Variants in NCAPD3 observed in about 807,000 individuals in gnomAD.
NCAPD3 encodes condensin-2 complex subunit D3.
In NCAPD3, 105 loss-of-function variants were observed where a neutral mutation model predicts 182.9. The ratio of observed to expected loss-of-function variants is 0.57; its 90% CI spans 0.49 to 0.68. The LOEUF is 0.68. NCAPD3 is among the 30% of genes least tolerant of loss of function. The pLI, the probability that NCAPD3 is intolerant of heterozygous loss-of-function variation, is 0.00. For missense variants in NCAPD3, 1,944 were observed against 1,837.0 expected, an observed-to-expected ratio of 1.06 and a Z score of -1.07; for synonymous variants, 815 against 679.9, an observed-to-expected ratio of 1.20 and a Z score of -3.09.
At chr11:134,214,281 T>C (rs1171859854) in intron 3 of NCAPD3, among the ~76,000 whole-genome samples, 4 of 152,178 alleles carry the variant, frequency 2.6e-5, no homozygotes, top group Non-Finnish European at 5.9e-5. Context: ...AAAGTTCAAA[T>C]ATTTGGAAAA....
intron 24 of NCAPD3, among the ~76,000 whole-genome samples, chr11:134,170,181 C>G (rs1406164732): frequency 1.3e-5 from 2 of 152,196 alleles, no homozygotes; most frequent in African/African-American, 4.8e-5. Flanking sequence ...TACACCTTGA[C>G]TATTCACCTA....
intron 27 of NCAPD3, among the ~76,000 whole-genome samples, chr11:134,163,871 CAAAAAAAAAAAAAAA>C (rs60340458): frequency 1.6e-4 from 11 of 70,904 alleles, no homozygotes; most frequent in Non-Finnish European, 2.7e-4. Flanking sequence ...GATTCTGTCT[CAAAAAAAAAAAAAAA>C]AAAAAAGAAA....
chr11:134,153,041 G>T lies in NCAPD3; in HGVS notation c.4400C>A (p.Pro1467His), dbSNP rs760380138. 1.9e-6 allele frequency: 3 copies of T among 1,602,908 alleles called. No homozygotes were observed. The African/African-American group carries it at 4.0e-5, about 21-fold the overall frequency. ...GGGAGACCGCACATTCCACTGCTGA[G>T]GCTGTGGGGGCCTAGGGAAAGGACA... ...LSLPDKPPPQ[P>H]QQWNVRSPAR... Residue 1467 changes from proline to histidine, a missense_variant, in exon 35 of 35, where the codon CCT becomes CAT. Coordinates refer to ENST00000534548, the MANE Select transcript of NCAPD3 (RefSeq NM_015261.3).
intron 24 of NCAPD3, among the ~76,000 whole-genome samples, chr11:134,175,497 G>C (rs1312495255): frequency 1.3e-5 from 2 of 152,154 alleles, no homozygotes; most frequent in African/African-American, 4.8e-5. Context: ...AAAGAAAACT[G>C]AGCAGAAACT....
intron 16 of NCAPD3, among the ~76,000 whole-genome samples, chr11:134,192,396 T>A (rs973337838): frequency 6.6e-6 from 1 of 152,292 alleles, no homozygotes; most frequent in African/African-American, 2.4e-5. Flanking sequence ...AAAGGTGATA[T>A]TAATATGTAT....
chr11:134,196,723 T>A (rs1045101772), intron 13 of NCAPD3, among the ~76,000 whole-genome samples: 1 of 148,524 alleles, frequency 6.7e-6, no homozygotes, highest in Non-Finnish European at 1.5e-5. Context: ...CACACACACA[T>A]ACACACACAC....
intron 32 of NCAPD3, 83 bp downstream of exon 32, chr11:134,156,935 G>A: frequency 7.4e-6 from 9 of 1,210,330 alleles, no homozygotes; most frequent in African/African-American, 1.5e-5. Flanking sequence ...GCACCGGAAG[G>A]AGTTTTACTG....
At chr11:134,168,879 C>T (rs752699346) in intron 25 of NCAPD3, 38 bp downstream of exon 25, 3 of 1,594,954 alleles carry the variant, frequency 1.9e-6, no homozygotes, top group South Asian at 2.3e-5. Context: ...CAGCTCTTAC[C>T]CAGATACAAG....
chr11:134,168,362 C>A, intron 26 of NCAPD3, 107 bp downstream of exon 26: 1 of 1,534,576 alleles, frequency 6.5e-7, no homozygotes, highest in South Asian at 1.2e-5. Flanking sequence ...TGACAGGGGT[C>A]TTCCTGCAGT....
At position 134,220,695 on chromosome 11, in the gene NCAPD3, G is replaced by A; in HGVS notation, c.96C>T (p.Phe32=). The part of the protein sequence containing the change: ...EWVDTVWELD[F]TETEPLDPSI... ...TGGGATCCAAAGGCTCAGTCTCTGT[G>A]AAATCCAGTTCCCACACTGTGTCAA... is the stretch of plus-strand genomic sequence containing the variant. Residue 32 remains phenylalanine (F), a synonymous_variant, in exon 2 of 35, where the codon TTC becomes TTT. Transcript: ENST00000534548. The A allele has an allele frequency of 1.2e-6, 2 of 1,614,042 alleles. No homozygotes were observed. Among genetic ancestry groups the A allele is most frequent in the Admixed American group, 1.7e-5 (1 of 60,024 alleles).
rs368692860 is a variant in NCAPD3, at chr11:134,160,090, G to T, written c.3685-16C>A. Reference sequence around the variant, plus strand: ...GCATCACCTCCTGAAACAGAGCCAGGAGCATCCTTTCATGTTTTCTTGAAT... The same window carrying T: ...GCATCACCTCCTGAAACAGAGCCAGTAGCATCCTTTCATGTTTTCTTGAAT... On this transcript the variant is annotated splice_polypyrimidine_tract_variant and intron_variant, in intron 28 of 34. Coordinates refer to ENST00000534548, the MANE Select transcript of NCAPD3 (RefSeq NM_015261.3). The T allele has an allele frequency of 6.2e-7, 1 of 1,611,168 alleles. No individual in the cohort carries two copies. The highest frequency in any genetic ancestry group is 1.1e-5 in the South Asian group (1 of 90,888).
intron 32 of NCAPD3, among the ~76,000 whole-genome samples, chr11:134,156,588 G>T (rs957321754): frequency 3.3e-5 from 5 of 152,120 alleles, no homozygotes; most frequent in Non-Finnish European, 7.4e-5. Context: ...GGGGTCCCCG[G>T]GTCTCTGGTC....
chr11:134,203,712 G>A lies in NCAPD3; in HGVS notation c.1410C>T (p.His470=), dbSNP rs770187719. The change falls in exon 11 of 35, where the codon CAC becomes CAT. Residue 470 remains histidine, a synonymous_variant. Transcript: ENST00000534548. ...VRSKALSSFA[H]CLELTVTSAS... is the part of the protein sequence containing the mutation. ...CACTGGTAACAGTCAACTCCAGACA[G>A]TGTGCAAAGCTGGACAGTGCCTTGC... 5.1e-5 allele frequency: 83 copies of A among 1,614,030 alleles called. No homozygotes were observed. The highest frequency in any genetic ancestry group is 6.4e-5 in the Non-Finnish European group (75 of 1,180,044).
intron 31 of NCAPD3, 118 bp downstream of exon 31, chr11:134,157,810 A>G: frequency 8.8e-7 from 1 of 1,141,834 alleles, no homozygotes. Context: ...AAGCCCAATT[A>G]ACGTTATTTG....
intron 27 of NCAPD3, among the ~76,000 whole-genome samples, chr11:134,164,290 G>A (rs185494465): frequency 5.3e-5 from 8 of 152,344 alleles, no homozygotes; most frequent in Non-Finnish European, 7.3e-5. Context: ...GGGAGAAAGA[G>A]GAGATGAAGA....
intron 27 of NCAPD3, among the ~76,000 whole-genome samples, chr11:134,164,723 C>A (rs556236685): frequency 7.0e-6 from 1 of 143,138 alleles, no homozygotes; most frequent in Non-Finnish European, 1.5e-5. Context: ...CACTCACTTG[C>A]GACATGAGTT....
intron 14 of NCAPD3, 76 bp from the exon 15 acceptor site, chr11:134,194,226 C>G: frequency 9.1e-6 from 13 of 1,422,730 alleles, no homozygotes; most frequent in Non-Finnish European, 1.2e-5. Context: ...AACAAAGGAA[C>G]ACTTCCTTTA....
chr11:134,219,413 T>C (rs1307113140), intron 2 of NCAPD3, among the ~76,000 whole-genome samples: 5 of 152,192 alleles, frequency 3.3e-5, no homozygotes, highest in Admixed American at 6.5e-5. Flanking sequence ...CTACTTTGGC[T>C]AGTGTTCAAA....
chr11:134,184,878 A>T (rs71486993), intron 18 of NCAPD3, 25 bp downstream of exon 18: 15 of 1,569,806 alleles, frequency 9.6e-6, no homozygotes, highest in Non-Finnish European at 1.1e-5. Flanking sequence ...GCATTTTCAC[A>T]TAAGATTCTC....
Sources: allele counts gnomAD v4.1 joint callset (sites outside exome capture counted in the v4.1 genomes callset), GRCh38; gene constraint gnomAD v4.1.1; transcripts MANE v1.5; gene names NCBI Gene and HGNC (gene_info 2026-07-23, HGNC 2026-07-21).